The following HTT variants were observed in gnomAD, a reference collection of about 807,000 sequenced individuals.
HTT encodes huntingtin.
HTT carries 104 observed loss-of-function variants against 362.3 expected under a neutral mutation model. The observed-to-expected ratio is 0.29, with a 90% confidence interval of 0.24 to 0.34. The LOEUF is 0.34. Among genes scored for constraint, HTT ranks in the 10% least tolerant of loss-of-function variants. The probability of loss-of-function intolerance (pLI) is 1.00; values close to 1 mark genes in which losing one functional copy is unlikely to be tolerated. For missense variants in HTT, 3,301 were observed against 3,928.6 expected (o/e 0.84, Z 4.27); for synonymous variants, 1,577 against 1,548.7 (o/e 1.02, Z -0.43).
chr4:3,185,161 A>G (rs1718703901), intron 37 of HTT, among the ~76,000 whole-genome samples: 1 of 152,160 alleles, frequency 6.6e-6, no homozygotes, highest in Admixed American at 6.5e-5. Flanking sequence ...AGAGGAGGAG[A>G]GGAGTCGGCA....
intron 4 of HTT, among the ~76,000 whole-genome samples, chr4:3,104,914 C>CA (rs947480657): frequency 5.3e-5 from 8 of 151,740 alleles, no homozygotes; most frequent in Non-Finnish European, 1.2e-4. Flanking sequence ...AAAAGAAAAA[C>CA]AAAAAAACAA....
intron 37 of HTT, among the ~76,000 whole-genome samples, chr4:3,185,899 G>C (rs1163267521): frequency 6.6e-6 from 1 of 151,870 alleles, no homozygotes; most frequent in Non-Finnish European, 1.5e-5. Flanking sequence ...GAGAGAGAGA[G>C]AAAGAAGAGA....
Position 3,131,385 on chromosome 4 carries a change from G to A in HTT, c.2086G>A (p.Gly696Arg). The A allele has an allele frequency of 6.2e-7, 1 of 1,612,846 alleles. No homozygotes were observed. The highest frequency in any genetic ancestry group is 8.5e-7 in the Non-Finnish European group (1 of 1,178,904). ...TTTATCTGCTTCGTTTTTGCTAACA[G>A]GGGGAAAAAATGGTGAGTACAAAAG... is the stretch of plus-strand genomic sequence containing the variant. ...RLLSASFLLT[G>R]GKNVLVPDRD... The change falls in exon 15 of 67, where the codon GGG (glycine) becomes AGG (arginine). Residue 696 changes from glycine to arginine, a missense_variant. Physicochemically the swap from Gly to Arg is moderately radical, Grantham distance 125. This residue lies in a region of HTT where 2,316 missense variants were observed against 2,658.5 expected (regional missense o/e 0.87). Coordinates refer to ENST00000355072, the MANE Select transcript of HTT (RefSeq NM_001388492.1).
intron 37 of HTT, among the ~76,000 whole-genome samples, chr4:3,183,054 G>A (rs1718601315): frequency 6.6e-6 from 1 of 152,118 alleles, no homozygotes; most frequent in African/African-American, 2.4e-5. Flanking sequence ...CTAGTTTTTT[G>A]TATTTTTAGT....
chr4:3,222,944 G>A (rs1159431447), intron 54 of HTT, among the ~76,000 whole-genome samples: 2 of 152,140 alleles, frequency 1.3e-5, no homozygotes, highest in Non-Finnish European at 2.9e-5. Context: ...CTGGTACAGC[G>A]GAGCCAGCAG....
chr4:3,240,052 C>A lies in HTT; in HGVS notation c.9422C>A (p.Thr3141Asn). ...TTACGAAATGTCCACAAGGTCACCA[C>A]CTGCTGAGCGCCATGGTGGGAGAGA... is the stretch of plus-strand genomic sequence containing the variant. The part of the protein sequence containing the change: ...TCLRNVHKVT[T>N]C Residue 3141 changes from threonine (T) to asparagine (N), a missense_variant, in exon 67 of 67, where the codon ACC becomes AAC. Physicochemically the swap from Thr to Asn is moderately conservative, Grantham distance 65 (BLOSUM62 0). Transcript: ENST00000355072. The A allele has an allele frequency of 6.3e-7, 1 of 1,585,518 alleles. No individual in the cohort carries two copies. Among genetic ancestry groups the A allele is most frequent in the Non-Finnish European group, 8.6e-7 (1 of 1,164,704 alleles).
intron 28 of HTT, among the ~76,000 whole-genome samples, chr4:3,158,812 A>G (rs573947419): frequency 1.8e-4 from 27 of 152,190 alleles, no homozygotes; most frequent in Admixed American, 1.4e-3. Flanking sequence ...CATGTTGAAA[A>G]ATGCCGTAGA....
Position 3,174,972 on chromosome 4 carries a change from G to A in HTT, c.4272G>A (p.Leu1424=), listed in dbSNP as rs544081670. The A allele has an allele frequency of 6.2e-7, 1 of 1,605,006 alleles. No individual in the cohort carries two copies. The highest frequency in any genetic ancestry group is 2.2e-5 in the East Asian group (1 of 44,810). Residue 1424 remains leucine, a synonymous_variant, in exon 33 of 67, where the codon TTG becomes TTA. Transcript: ENST00000355072. The part of the protein sequence containing the change: ...DKNAIHNHIR[L]FEPLVIKALK... ...ATGCTATTCATAATCACATTCGTTTGTTTGAACCTCTTGTTATAAAAGCTT... is the reference window on the plus strand; with the variant it reads ...ATGCTATTCATAATCACATTCGTTTATTTGAACCTCTTGTTATAAAAGCTT...
Position 3,160,362 on chromosome 4 carries a change from A to G in HTT, c.3834A>G (p.Leu1278=). ...RSALDVLSQI[L]ELATLQDIGK... ...CCTTGGATGTTCTTTCTCAGATACTAGAGCTGGCCACACTGCAGGACATTG... is the reference window on the plus strand; with the variant it reads ...CCTTGGATGTTCTTTCTCAGATACTGGAGCTGGCCACACTGCAGGACATTG... The change falls in exon 29 of 67, where the codon CTA becomes CTG. Residue 1278 remains leucine, a synonymous_variant. Coordinates refer to ENST00000355072, the MANE Select transcript of HTT (RefSeq NM_001388492.1). 1 of 1,554,790 alleles carries G rather than the reference A, an allele frequency of 6.4e-7. No homozygotes were observed. The highest frequency in any genetic ancestry group is 2.4e-5 in the East Asian group (1 of 41,842).
At chr4:3,234,415 A>T (rs1180758847) in intron 61 of HTT, among the ~76,000 whole-genome samples, 1 of 152,268 alleles carries the variant, frequency 6.6e-6, no homozygotes, top group Non-Finnish European at 1.5e-5. Context: ...GGAGCCTGGC[A>T]TAGGGCCAAG....
rs1402674083 is a variant in HTT at position 3,075,059 on chromosome 4, G to A, written c.234G>A (p.Pro78=). ...CGCCGCCCCCGCCGCCACCCGGCCC[G>A]GCTGTGGCTGAGGAGCCGCTGCACC... ...PPPPPPPPPG[P]AVAEEPLHRP... The change falls in exon 1 of 67, where the codon CCG becomes CCA. Residue 78 remains proline (P), a synonymous_variant. Coordinates refer to ENST00000355072, the MANE Select transcript of HTT (RefSeq NM_001388492.1). 24 of 1,247,732 alleles carry A rather than the reference G, an allele frequency of 1.9e-5. No individual in the cohort carries two copies. Among genetic ancestry groups the A allele is most frequent in the African/African-American group, 4.7e-5 (3 of 63,976 alleles). 77.3% of individuals were successfully genotyped at this position (1,247,732 alleles called of 1,614,324 possible). A position where few individuals can be genotyped will look rare whatever the true frequency, so the allele number is the denominator to read the frequency against.
At chr4:3,182,598 T>C (rs1718578794) in intron 37 of HTT, 128 bp downstream of exon 37, 1 of 681,568 alleles carries the variant, frequency 1.5e-6, no homozygotes, top group Non-Finnish European at 2.7e-6. Flanking sequence ...TTCTCCGTGC[T>C]AGTCATGGGA....
chr4:3,167,098 G>T (rs961068202), intron 29 of HTT, among the ~76,000 whole-genome samples: 1 of 152,228 alleles, frequency 6.6e-6, no homozygotes, highest in African/African-American at 2.4e-5. Context: ...TTGAGGTGGA[G>T]TCTTGCTCTG....
Position 3,115,360 on chromosome 4 carries a change from G to A in HTT, c.804G>A (p.Arg268=), listed in dbSNP as rs1191805328. 6 of 1,614,014 alleles carry A rather than the reference G, an allele frequency of 3.7e-6. No individual in the cohort carries two copies. In the Admixed American group the frequency reaches 1.0e-4, roughly 27 times the overall value. The change falls in exon 7 of 67, where the codon CGG becomes CGA. Residue 268 remains arginine (R), a synonymous_variant. Transcript: ENST00000355072. The part of the protein sequence containing the change: ...NLKSSSPTIR[R]TAAGSAVSIC... Reference sequence around the variant, plus strand: ...AGTCAAGCTCCCCCACCATTCGGCGGACAGCGGCTGGATCAGCAGTGAGCA... The same window carrying A: ...AGTCAAGCTCCCCCACCATTCGGCGAACAGCGGCTGGATCAGCAGTGAGCA...
rs777486232 is a variant in HTT, at chr4:3,127,458, A to T, written c.1597A>T (p.Ser533Cys). 6.2e-7 allele frequency: 1 copy of T among 1,614,202 alleles called. No individual in the cohort carries two copies. Among genetic ancestry groups the T allele is most frequent in the South Asian group, 1.1e-5 (1 of 91,086 alleles). Residue 533 changes from serine (S) to cysteine (C), a missense_variant, in exon 12 of 67, where the codon AGC (serine) becomes TGC (cysteine). Physicochemically the swap from Ser to Cys is moderately radical, Grantham distance 112. Around this residue, in one of 4 missense-constraint regions of HTT, gnomAD observed 2,316 missense variants for 2,658.5 expected, o/e 0.87. Transcript: ENST00000355072. The stretch of plus-strand genomic sequence containing the variant: ...GGATGAGGAGGATATCTTGAGCCAC[A>T]GCTCCAGCCAGGTCAGCGCCGTCCC... ...DGDEEDILSH[S>C]SSQVSAVPSD...
At chr4:3,103,781 T>C in intron 3 of HTT, 43 bp from the exon 4 acceptor site, 1 of 1,254,310 alleles carries the variant, frequency 8.0e-7, no homozygotes, top group Non-Finnish European at 1.2e-6. Context: ...TTAGAACTAG[T>C]GATGGGATGT....
intron 1 of HTT, among the ~76,000 whole-genome samples, chr4:3,086,125 A>G (rs987097640): frequency 3.3e-5 from 5 of 152,186 alleles, no homozygotes; most frequent in African/African-American, 1.2e-4. Context: ...ATCTCTTGTA[A>G]TCTATGCCAT....
intron 60 of HTT, among the ~76,000 whole-genome samples, chr4:3,231,563 ACT>A (rs1253158556): frequency 6.6e-6 from 1 of 151,410 alleles, no homozygotes; most frequent in African/African-American, 2.4e-5. Flanking sequence ...TCTTGCCTAG[ACT>A]CTGTCCTCCC....
chr4:3,239,749 C>A, intron 66 of HTT, 97 bp from the exon 67 acceptor site: 1 of 987,648 alleles, frequency 1.0e-6, no homozygotes. Flanking sequence ...CTCCCTGGAC[C>A]CCTTTGTAGA....
Sources: gnomAD v4.1 joint callset for allele counts (sites outside exome capture counted in the v4.1 genomes callset) on GRCh38, gnomAD v4.1.1 for gene constraint, gnomAD v4.1.1 regional missense constraint, MANE v1.5 for transcripts, NCBI Gene and HGNC (gene_info 2026-07-23, HGNC 2026-07-21) for gene names.